Variants in NRG3 observed in about 807,000 individuals in gnomAD.
NRG3 encodes pro-neuregulin-3, membrane-bound isoform.
A neutral mutation model predicts 66.9 loss-of-function variants in NRG3; 31 were observed. The observed-to-expected ratio is 0.46, with a 90% CI of 0.35 to 0.63. The LOEUF is 0.63. Ranked by LOEUF, NRG3 falls within the 20% of genes least tolerant of loss-of-function variation. NRG3 has a pLI of 0.00. For missense variants in NRG3, 910 were observed against 878.9 expected (o/e 1.04, Z -0.45); for synonymous variants, 393 against 359.4 (o/e 1.09, Z -1.06).
chr10:82,265,251 A>C (rs1255576430), intron 1 of NRG3, among the ~76,000 whole-genome samples: 2 of 152,304 alleles, frequency 1.3e-5, no homozygotes, highest in East Asian at 3.9e-4. Context: ...GATACATGTA[A>C]GGAGGTGACA....
At chr10:82,920,983 G>A (rs1014326527) in intron 4 of NRG3, among the ~76,000 whole-genome samples, 2 of 151,952 alleles carry the variant, frequency 1.3e-5, no homozygotes, top group Admixed American at 1.3e-4. Flanking sequence ...TAATTGAGAT[G>A]AAACGTAACT....
rs548798582 is a variant in NRG3, at chr10:82,134,983, A to G, written c.824-223756A>G. On this transcript the variant is annotated intron_variant, in intron 1 of 8. Coordinates refer to ENST00000372141, the MANE Select transcript of NRG3 (RefSeq NM_001010848.4). ...ACTAAAAAATACCACAAAATTAGCC[A>G]GGCGTGGTGGCACATGCCTGTAGTC... is the stretch of plus-strand genomic sequence containing the variant. 1.2e-3 allele frequency among the ~76,000 whole-genome samples: 184 copies of G among 151,914 alleles called. 1 individual carries two copies. The highest frequency in any genetic ancestry group is 2.0e-3 in the Non-Finnish European group (136 of 67,946).
chr10:82,423,322 A>G (rs2089208259), intron 2 of NRG3, among the ~76,000 whole-genome samples: 1 of 151,982 alleles, frequency 6.6e-6, no homozygotes, highest in South Asian at 2.1e-4. Flanking sequence ...TTTTGTATAT[A>G]TTATCGTTAT....
At chr10:82,517,003 T>G (rs2132499909) in intron 2 of NRG3, among the ~76,000 whole-genome samples, 1 of 152,318 alleles carries the variant, frequency 6.6e-6, no homozygotes, top group Non-Finnish European at 1.5e-5. Flanking sequence ...ATTTTGCATT[T>G]AACAAGTTTT....
intron 1 of NRG3, among the ~76,000 whole-genome samples, chr10:82,160,880 TG>T (rs2071540182): frequency 6.6e-6 from 1 of 152,046 alleles, no homozygotes; most frequent in Non-Finnish European, 1.5e-5. Flanking sequence ...TGAAGCTCAC[TG>T]TTAATATGGG....
intron 2 of NRG3, among the ~76,000 whole-genome samples, chr10:82,627,970 G>A (rs1565143350): frequency 1.3e-5 from 2 of 152,130 alleles, no homozygotes. Flanking sequence ...GCAGCCAGAT[G>A]AGGTGTGTGC....
At chr10:82,388,426 G>A (rs543743130) in intron 2 of NRG3, among the ~76,000 whole-genome samples, 26 of 152,266 alleles carry the variant, frequency 1.7e-4, no homozygotes, top group African/African-American at 6.0e-4. Flanking sequence ...GACTAGTGGA[G>A]AAGGAAAATA....
intron 4 of NRG3, among the ~76,000 whole-genome samples, chr10:82,883,457 C>T (rs1842467153): frequency 6.6e-6 from 1 of 152,072 alleles, no homozygotes; most frequent in Admixed American, 6.6e-5. Flanking sequence ...CTTTTAATTA[C>T]TAGAATTTGG....
chr10:82,248,907 C>G (rs758888283), intron 1 of NRG3, among the ~76,000 whole-genome samples: 1 of 152,156 alleles, frequency 6.6e-6, no homozygotes, highest in Non-Finnish European at 1.5e-5. Context: ...GTCTGCAAGT[C>G]TCAGTATAAT....
intron 1 of NRG3, among the ~76,000 whole-genome samples, chr10:82,245,271 C>A (rs978799654): frequency 6.6e-6 from 1 of 152,110 alleles, no homozygotes; most frequent in African/African-American, 2.4e-5. Flanking sequence ...GTTCTCACTC[C>A]TGTGAGAATC....
intron 6 of NRG3, among the ~76,000 whole-genome samples, chr10:82,963,836 G>A (rs1288472125): frequency 6.6e-6 from 1 of 152,136 alleles, no homozygotes; most frequent in African/African-American, 2.4e-5. Context: ...TTTGGTGGGG[G>A]TGAGTGACTA....
intron 1 of NRG3, among the ~76,000 whole-genome samples, chr10:82,121,129 C>G (rs896785560): frequency 6.6e-6 from 1 of 152,036 alleles, no homozygotes; most frequent in African/African-American, 2.4e-5. Context: ...GTGAAACTTA[C>G]CCATCTGCTC....
At chr10:82,686,044 G>A (rs1418374604) in intron 2 of NRG3, among the ~76,000 whole-genome samples, 6 of 152,004 alleles carry the variant, frequency 3.9e-5, no homozygotes, top group South Asian at 4.2e-4. Flanking sequence ...TTTTAATACC[G>A]TGTACTCAGA....
intron 1 of NRG3, among the ~76,000 whole-genome samples, chr10:81,962,614 C>T (rs1401523072): frequency 1.3e-5 from 2 of 152,166 alleles, no homozygotes; most frequent in African/African-American, 2.4e-5. Context: ...TAACATTCTA[C>T]CCCAAAACTT....
intron 1 of NRG3, among the ~76,000 whole-genome samples, chr10:82,083,940 A>G (rs1225688109): frequency 6.6e-6 from 1 of 150,878 alleles, no homozygotes; most frequent in Non-Finnish European, 1.5e-5. Flanking sequence ...AAAATGACAC[A>G]TTTATGGCTG....
intron 1 of NRG3, among the ~76,000 whole-genome samples, chr10:82,349,537 T>C (rs1414306235): frequency 4.9e-4 from 75 of 152,056 alleles, no homozygotes; most frequent in Admixed American, 1.7e-3. Context: ...TGCCCTGCCC[T>C]CAGAGGTGGA....
chr10:82,359,051 A>G (rs1465536883), intron 2 of NRG3, among the ~76,000 whole-genome samples, 183 bp downstream of exon 2: 4 of 152,226 alleles, frequency 2.6e-5, no homozygotes, highest in African/African-American at 9.6e-5. Flanking sequence ...GTGGAAGAAG[A>G]CAAAATGGAA....
chr10:82,575,383 G>A (rs1475704635), intron 2 of NRG3, among the ~76,000 whole-genome samples: 1 of 151,718 alleles, frequency 6.6e-6, no homozygotes, highest in Non-Finnish European at 1.5e-5. Flanking sequence ...CAAGCTTGGA[G>A]GGTTGGAAGA....
chr10:82,189,923 A>G (rs2074035043), intron 1 of NRG3, among the ~76,000 whole-genome samples: 1 of 152,108 alleles, frequency 6.6e-6, no homozygotes, highest in Non-Finnish European at 1.5e-5. Flanking sequence ...AGATGGCATC[A>G]CTCAACTCCA....
Sources: gnomAD v4.1 joint callset for allele counts (sites outside exome capture counted in the v4.1 genomes callset) on GRCh38, gnomAD v4.1.1 for gene constraint, MANE v1.5 for transcripts, NCBI Gene and HGNC (gene_info 2026-07-23, HGNC 2026-07-21) for gene names.